L3MBTL3: variants seen among roughly 807,000 people sequenced by gnomAD.
L3MBTL3 encodes the protein lethal(3)malignant brain tumor-like protein 3.
L3MBTL3 carries 27 observed loss-of-function variants against 102.3 expected under a neutral mutation model. That is an observed-to-expected ratio of 0.26 (90% CI 0.19 to 0.36). L3MBTL3 has a LOEUF of 0.36. Among genes scored for constraint, L3MBTL3 ranks in the 10% least tolerant of loss-of-function variants. The pLI, the probability that L3MBTL3 is intolerant of heterozygous loss-of-function variation, is 1.00. For synonymous variants in L3MBTL3, 340 were observed against 320.9 expected (o/e 1.06, Z -0.64); for missense variants, 798 against 955.3 (o/e 0.84, Z 2.17).
chr6:130,129,456 A>G (rs1013338990), intron 20 of L3MBTL3, among the ~76,000 whole-genome samples: 1 of 152,166 alleles, frequency 6.6e-6, no homozygotes, highest in African/African-American at 2.4e-5. Flanking sequence ...TTCTACAAAT[A>G]AAATTTATCA....
intron 13 of L3MBTL3, among the ~76,000 whole-genome samples, chr6:130,075,790 C>G (rs984297438): frequency 6.6e-6 from 1 of 152,030 alleles, no homozygotes; most frequent in Non-Finnish European, 1.5e-5. Flanking sequence ...ACCAAGTCTC[C>G]TAGGAGCAGC....
At chr6:130,076,434 A>G (rs1782953795) in intron 13 of L3MBTL3, among the ~76,000 whole-genome samples, 1 of 152,046 alleles carries the variant, frequency 6.6e-6, no homozygotes, top group Non-Finnish European at 1.5e-5. Flanking sequence ...ATGTCTCCTA[A>G]CTTTATCCTT....
At chr6:130,021,498 G>A (rs1779014110) in intron 1 of L3MBTL3, among the ~76,000 whole-genome samples, 1 of 152,152 alleles carries the variant, frequency 6.6e-6, no homozygotes, top group Admixed American at 6.5e-5. Flanking sequence ...TCCCTGAATT[G>A]GAAACAATTG....
intron 19 of L3MBTL3, among the ~76,000 whole-genome samples, chr6:130,108,177 A>AATAGTG (rs1192807574): frequency 4.0e-5 from 6 of 150,848 alleles, no homozygotes; most frequent in Admixed American, 4.0e-4. Context: ...AAGCTCTTGG[A>AATAGTG]ATAGTGATTA....
intron 17 of L3MBTL3, among the ~76,000 whole-genome samples, chr6:130,093,975 A>T (rs1289637943): frequency 1.3e-5 from 2 of 152,206 alleles, no homozygotes; most frequent in African/African-American, 4.8e-5. Flanking sequence ...TCGTATTTAG[A>T]TATCTCTGGA....
intron 2 of L3MBTL3, among the ~76,000 whole-genome samples, chr6:130,031,508 G>A (rs777153368): frequency 6.6e-6 from 1 of 152,218 alleles, no homozygotes; most frequent in Non-Finnish European, 1.5e-5. Context: ...TCCCAAAGAC[G>A]CTAGGGTATT....
At chr6:130,029,017 C>A (rs531313034) in intron 2 of L3MBTL3, among the ~76,000 whole-genome samples, 1 of 152,264 alleles carries the variant, frequency 6.6e-6, no homozygotes, top group South Asian at 2.1e-4. Context: ...ATTGTATTTT[C>A]CTCTTCTCTT....
intron 22 of L3MBTL3, among the ~76,000 whole-genome samples, chr6:130,139,231 A>G (rs747914572): frequency 3.9e-5 from 6 of 152,124 alleles, no homozygotes; most frequent in Non-Finnish European, 8.8e-5. Flanking sequence ...TTATGTCCAC[A>G]AACATTCATG....
rs189270021 is a variant in L3MBTL3 at position 130,138,980 on chromosome 6, C to T, written c.2200-630C>T. On this transcript the variant is annotated intron_variant, in intron 22 of 22. Transcript: ENST00000361794. Reference sequence around the variant, plus strand: ...GTCCAGAGAGAGGAAGGGTCTTTCTCATAGTTACCCTACCTGCGTATTAGA... The same window carrying T: ...GTCCAGAGAGAGGAAGGGTCTTTCTTATAGTTACCCTACCTGCGTATTAGA... Among the ~76,000 whole-genome samples, 14 of 152,256 alleles carry T rather than the reference C, an allele frequency of 9.2e-5. No individual in the cohort carries two copies. The East Asian group carries it at 2.7e-3, about 29-fold the overall frequency.
chr6:130,129,693 A>G (rs80308114), intron 20 of L3MBTL3, among the ~76,000 whole-genome samples: 4,015 of 152,238 alleles, frequency 0.026, 195 homozygotes, highest in African/African-American at 0.091. Flanking sequence ...CATGCATGTC[A>G]ATGGTTTGAG....
chr6:130,084,789 T>G (rs1783575419), intron 15 of L3MBTL3, among the ~76,000 whole-genome samples: 2 of 152,340 alleles, frequency 1.3e-5, no homozygotes, highest in South Asian at 4.1e-4. Flanking sequence ...TTGCATTGAC[T>G]GCTCTGTGTT....
intron 12 of L3MBTL3, among the ~76,000 whole-genome samples, chr6:130,068,686 A>G (rs1198750043): frequency 6.6e-6 from 1 of 152,168 alleles, no homozygotes; most frequent in Non-Finnish European, 1.5e-5. Context: ...TAAGATGCAT[A>G]AAAAATTAAA....
At chr6:130,134,373 A>G (rs545181713) in intron 22 of L3MBTL3, among the ~76,000 whole-genome samples, 2 of 152,234 alleles carry the variant, frequency 1.3e-5, no homozygotes, top group Admixed American at 6.5e-5. Context: ...CCCTTAAGTC[A>G]TATACATTCC....
chr6:130,071,925 C>T (rs1014125916), intron 13 of L3MBTL3, among the ~76,000 whole-genome samples: 2 of 152,078 alleles, frequency 1.3e-5, no homozygotes, highest in Non-Finnish European at 2.9e-5. Context: ...GTTTTACTTG[C>T]ATTGTTTAAA....
At chr6:130,088,524 A>G (rs926222782) in intron 16 of L3MBTL3, among the ~76,000 whole-genome samples, 5 of 152,228 alleles carry the variant, frequency 3.3e-5, no homozygotes, top group Admixed American at 2.0e-4. Flanking sequence ...TTAAGATTAC[A>G]TATTTCACAC....
intron 16 of L3MBTL3, 148 bp from the exon 17 acceptor site, chr6:130,092,597 G>C (rs1300686129): frequency 5.4e-6 from 3 of 552,720 alleles, no homozygotes; most frequent in African/African-American, 3.9e-5. Context: ...CACATTATGA[G>C]TGAAGTATTT....
chr6:130,028,387 A>G (rs964065291), intron 2 of L3MBTL3, among the ~76,000 whole-genome samples: 1 of 152,178 alleles, frequency 6.6e-6, no homozygotes, highest in Non-Finnish European at 1.5e-5. Context: ...CGCTGTAATG[A>G]CTGATTTCAT....
intron 2 of L3MBTL3, among the ~76,000 whole-genome samples, chr6:130,041,934 G>A (rs1780445137): frequency 6.6e-6 from 1 of 152,062 alleles, no homozygotes; most frequent in South Asian, 2.1e-4. Flanking sequence ...TCTTTCAGTG[G>A]ACAAAACTAG....
In L3MBTL3 at chr6:130,133,368, G is replaced by A. The variant is rs1787265618; in HGVS notation, c.1967-84G>A. 14 of 1,333,434 alleles carry A rather than the reference G, an allele frequency of 1.0e-5. No individual in the cohort carries two copies. Among genetic ancestry groups the A allele is most frequent in the Non-Finnish European group, 1.5e-5 (14 of 943,758 alleles). The allele number at this position is 1,333,434 out of a possible 1,614,324, so 82.6% of individuals were successfully genotyped here. A position where few individuals can be genotyped will look rare whatever the true frequency, so the allele number is the denominator to read the frequency against. ...AATGCTTTAACCACTCCCACCTCCA[G>A]TCTCGTTATCTGGGAGATGCACGGC... On this transcript the variant is annotated intron_variant, in intron 20 of 22. Coordinates refer to ENST00000361794, the MANE Select transcript of L3MBTL3 (RefSeq NM_032438.4). This position sits in a 1 kb window ranked among gnomAD's most constrained non-coding sequence, Gnocchi z 4.9.
Sources: allele counts gnomAD v4.1 joint callset (sites outside exome capture counted in the v4.1 genomes callset), GRCh38; gene constraint gnomAD v4.1.1; non-coding constraint Gnocchi (gnomAD v3.1); transcripts MANE v1.5; gene names NCBI Gene and HGNC (gene_info 2026-07-23, HGNC 2026-07-21).